Variants in WDPCP observed in about 807,000 individuals in gnomAD.
WDPCP encodes the protein WD repeat containing planar cell polarity effector, also known as WD repeat-containing and planar cell polarity effector protein fritz homolog.
A neutral mutation model predicts 93.1 loss-of-function variants in WDPCP; 71 were observed. The ratio of observed to expected loss-of-function variants is 0.76; its 90% CI spans 0.63 to 0.93. The LOEUF (loss-of-function observed/expected upper bound fraction) is 0.93. Ranked by LOEUF, WDPCP falls within the 40% of genes least tolerant of loss-of-function variation. WDPCP has a pLI of 0.00. For synonymous variants in WDPCP, 315 were observed against 315.0 expected, an observed-to-expected ratio of 1.00 and a Z score of 0.00; for missense variants, 844 against 887.4, an observed-to-expected ratio of 0.95 and a Z score of 0.62.
intron 3 of WDPCP, among the ~76,000 whole-genome samples, chr2:63,612,193 G>A (rs565916343): frequency 6.6e-6 from 1 of 152,160 alleles, no homozygotes; most frequent in Non-Finnish European, 1.5e-5. Flanking sequence ...TTGGATTCCA[G>A]CTCTGACTCT....
At chr2:63,703,329 G>T (rs970963896) in intron 2 of WDPCP, among the ~76,000 whole-genome samples, 26 of 152,156 alleles carry the variant, frequency 1.7e-4, no homozygotes, top group Non-Finnish European at 3.8e-4. Flanking sequence ...CTAGTTTACA[G>T]TCCCATCAAC....
chr2:63,747,265 T>C (rs188080063), intron 2 of WDPCP, among the ~76,000 whole-genome samples: 1 of 152,298 alleles, frequency 6.6e-6, no homozygotes, highest in Admixed American at 6.5e-5. Context: ...CCTTTGATGA[T>C]CTGAAACATA....
intron 15 of WDPCP, among the ~76,000 whole-genome samples, chr2:63,166,128 G>T (rs1343280536): frequency 6.6e-6 from 1 of 151,596 alleles, no homozygotes; most frequent in Admixed American, 6.6e-5. Flanking sequence ...GTGCAATGAC[G>T]CAGTCTAGCC....
At chr2:63,623,232 CAT>C (rs1709769149) in intron 3 of WDPCP, among the ~76,000 whole-genome samples, 1 of 152,216 alleles carries the variant, frequency 6.6e-6, no homozygotes, top group African/African-American at 2.4e-5. Context: ...ACTGCAAAAA[CAT>C]ACCAAATTGT....
the WDPCP span, among the ~76,000 whole-genome samples, chr2:63,838,302 T>C: frequency 5.3e-5 from 8 of 152,228 alleles, no homozygotes; most frequent in Non-Finnish European, 1.2e-4. Context: ...AGAGAGCTCC[T>C]GTCTAAAGCA....
At chr2:63,231,180 C>CA (rs1213637109) in intron 14 of WDPCP, among the ~76,000 whole-genome samples, 1 of 152,098 alleles carries the variant, frequency 6.6e-6, no homozygotes. Context: ...GGACATATCT[C>CA]AAAATAATAA....
In WDPCP at chr2:63,405,532, A is replaced by AGTGTGTGTGT. The variant is rs55807956; in HGVS notation, c.826-885_826-876dup. On this transcript the variant is annotated intron_variant, in intron 9 of 17. Coordinates refer to ENST00000272321, the MANE Select transcript of WDPCP (RefSeq NM_015910.7). ...GCTAAGTATATGCAGATTTTGGTAT[A>AGTGTGTGTGT]GTGTGTGTGTGTGTGTGTGTGTGTG... Among the ~76,000 whole-genome samples, 577 of 125,008 alleles carry AGTGTGTGTGT rather than the reference A, an allele frequency of 4.6e-3. 9 individuals are homozygous for AGTGTGTGTGT. Among genetic ancestry groups the AGTGTGTGTGT allele is most frequent in the African/African-American group, 0.014 (441 of 31,762 alleles). The allele number at this position is 125,008 out of a possible 152,430, so 82.0% of individuals were successfully genotyped here.
intron 12 of WDPCP, among the ~76,000 whole-genome samples, chr2:63,345,729 G>T (rs1403792639): frequency 6.6e-6 from 1 of 152,096 alleles, no homozygotes; most frequent in Non-Finnish European, 1.5e-5. Flanking sequence ...TATGAAATGG[G>T]TACCTCTGAA....
At chr2:63,458,165 T>C (rs1001160799) in intron 6 of WDPCP, among the ~76,000 whole-genome samples, 3 of 144,106 alleles carry the variant, frequency 2.1e-5, no homozygotes, top group Non-Finnish European at 3.0e-5. Context: ...AAGACAAGAA[T>C]GCCCACTTTC....
At chr2:63,612,883 T>C (rs1709629065) in intron 3 of WDPCP, among the ~76,000 whole-genome samples, 1 of 152,102 alleles carries the variant, frequency 6.6e-6, no homozygotes, top group Non-Finnish European at 1.5e-5. Flanking sequence ...AAAAATGTTA[T>C]TTTTTTCTCC....
chr2:63,486,446 G>T, intron 4 of WDPCP, 96 bp downstream of exon 4: 1 of 1,123,306 alleles, frequency 8.9e-7, no homozygotes, highest in Non-Finnish European at 1.3e-6. Context: ...AAAAAATTTG[G>T]AGGGAATAAA....
intron 14 of WDPCP, among the ~76,000 whole-genome samples, chr2:63,212,380 G>A (rs1676897895): frequency 6.6e-6 from 1 of 152,146 alleles, no homozygotes; most frequent in Non-Finnish European, 1.5e-5. Context: ...CTTCATAAGT[G>A]CAGGAGAAAT....
At chr2:63,539,679 CTG>C (rs1296641050) in intron 1 of WDPCP, among the ~76,000 whole-genome samples, 1 of 152,016 alleles carries the variant, frequency 6.6e-6, no homozygotes, top group Non-Finnish European at 1.5e-5. Context: ...TAGCAAGACT[CTG>C]TCTCAAAAAA....
At chr2:63,820,206 A>G (rs1670997993) in intron 1 of WDPCP, among the ~76,000 whole-genome samples, 1 of 152,200 alleles carries the variant, frequency 6.6e-6, no homozygotes, top group East Asian at 1.9e-4. Flanking sequence ...CATGAGATGA[A>G]CAGGTTTGTC....
intron 1 of WDPCP, among the ~76,000 whole-genome samples, chr2:63,814,381 T>TC (rs1265460087): frequency 6.6e-6 from 1 of 151,324 alleles, no homozygotes; most frequent in East Asian, 1.9e-4. Flanking sequence ...ATCTGTCCAG[T>TC]CATATCTCCT....
intron 1 of WDPCP, among the ~76,000 whole-genome samples, chr2:63,570,620 G>C (rs553445586): frequency 6.6e-6 from 1 of 152,264 alleles, no homozygotes; most frequent in South Asian, 2.1e-4. Context: ...ATGTTTACAG[G>C]GGAGAAATTG....
At chr2:63,607,353 A>G (rs1028930824) in intron 3 of WDPCP, among the ~76,000 whole-genome samples, 3 of 151,810 alleles carry the variant, frequency 2.0e-5, no homozygotes, top group African/African-American at 7.3e-5. Context: ...GCCTGGGCAA[A>G]TAGTGACACC....
At chr2:63,138,278 G>C (rs934784536) in intron 17 of WDPCP, among the ~76,000 whole-genome samples, 3 of 152,044 alleles carry the variant, frequency 2.0e-5, no homozygotes, top group Admixed American at 1.3e-4. Context: ...TCAATGCATA[G>C]TGTCAAGCTG....
At chr2:63,616,347 G>A (rs1186374751) in intron 3 of WDPCP, among the ~76,000 whole-genome samples, 1 of 152,256 alleles carries the variant, frequency 6.6e-6, no homozygotes, top group African/African-American at 2.4e-5. Flanking sequence ...GAAAGAAAAG[G>A]TCTGTTTAGG....
Sources: gnomAD v4.1 joint callset for allele counts (sites outside exome capture counted in the v4.1 genomes callset) on GRCh38, gnomAD v4.1.1 for gene constraint, MANE v1.5 for transcripts, NCBI Gene and HGNC (gene_info 2026-07-23, HGNC 2026-07-21) for gene names.